Variants in GPM6A observed in about 807,000 individuals in gnomAD.
GPM6A encodes the protein glycoprotein M6A, also known as neuronal membrane glycoprotein M6-a.
GPM6A carries 7 observed loss-of-function variants against 32.1 expected under a neutral mutation model. The ratio of observed to expected loss-of-function variants is 0.22; its 90% CI spans 0.12 to 0.41. The LOEUF (loss-of-function observed/expected upper bound fraction) is 0.41. Ranked by LOEUF, GPM6A falls within the 10% of genes least tolerant of loss-of-function variation. The pLI is 1.00. For synonymous variants in GPM6A, 130 were observed against 123.4 expected (o/e 1.05, Z -0.35); for missense variants, 235 against 347.2 (o/e 0.68, Z 2.57).
chr4:175,988,438 A>G lies in GPM6A; in HGVS notation c.-23+13871T>C, dbSNP rs371562514. ...TGAAATTGTTGTCCTATGAAAGAACATATTCATTTTCACTAGGAGATGAAA... is the reference window on the plus strand; with the variant it reads ...TGAAATTGTTGTCCTATGAAAGAACGTATTCATTTTCACTAGGAGATGAAA... On this transcript the variant is annotated intron_variant, in intron 1 of 7. Transcript: ENST00000280187. Among the ~76,000 whole-genome samples, 7 of 152,330 alleles carry G rather than the reference A, an allele frequency of 4.6e-5. No individual in the cohort carries two copies. In the East Asian group the frequency reaches 7.7e-4, roughly 17 times the overall value.
intron 6 of GPM6A, among the ~76,000 whole-genome samples, chr4:175,639,577 G>C (rs1405057253): frequency 6.6e-6 from 1 of 152,164 alleles, no homozygotes; most frequent in Non-Finnish European, 1.5e-5. Context: ...AAGTTAGAAA[G>C]GAGGAGACTG....
chr4:175,872,321 C>G (rs987190636), intron 1 of GPM6A, among the ~76,000 whole-genome samples: 5 of 152,192 alleles, frequency 3.3e-5, no homozygotes, highest in African/African-American at 1.2e-4. Flanking sequence ...CTACTCCAGA[C>G]TTACACCCTT....
At chr4:175,994,563 C>T (rs1482927217) in intron 1 of GPM6A, among the ~76,000 whole-genome samples, 3 of 152,136 alleles carry the variant, frequency 2.0e-5, no homozygotes, top group Non-Finnish European at 4.4e-5. Flanking sequence ...TTTTAAAATA[C>T]TTTATTGCTA....
intron 1 of GPM6A, among the ~76,000 whole-genome samples, chr4:175,853,193 T>G (rs1736313027): frequency 6.6e-6 from 1 of 152,226 alleles, no homozygotes; most frequent in Non-Finnish European, 1.5e-5. Flanking sequence ...TTAAAATACT[T>G]TATGAATAAT....
At chr4:175,774,096 G>T (rs1213743119) in intron 1 of GPM6A, among the ~76,000 whole-genome samples, 1 of 151,938 alleles carries the variant, frequency 6.6e-6, no homozygotes, top group Non-Finnish European at 1.5e-5. Context: ...GTCCATTAAG[G>T]TCAATCAAGT....
At chr4:175,675,492 G>T (rs1743312654) in intron 2 of GPM6A, among the ~76,000 whole-genome samples, 1 of 152,048 alleles carries the variant, frequency 6.6e-6, no homozygotes, top group African/African-American at 2.4e-5. Context: ...ATAAGTACTT[G>T]TTGATGTTAA....
intron 1 of GPM6A, among the ~76,000 whole-genome samples, chr4:175,913,796 C>T (rs1164523696): frequency 1.3e-5 from 2 of 152,132 alleles, no homozygotes; most frequent in Non-Finnish European, 2.9e-5. Flanking sequence ...TAAACCCACC[C>T]GGATAGCATG....
chr4:175,644,121 G>GTTTTTTTTTTTTTTT (rs781755092), intron 4 of GPM6A, among the ~76,000 whole-genome samples: 3 of 110,378 alleles, frequency 2.7e-5, no homozygotes, highest in Non-Finnish European at 5.4e-5. Flanking sequence ...TTTTCCGTTT[G>GTTTTTTTTTTTTTTT]TTTTTTTTTT....
At chr4:175,874,598 G>A (rs1016326309) in intron 1 of GPM6A, among the ~76,000 whole-genome samples, 3 of 152,092 alleles carry the variant, frequency 2.0e-5, no homozygotes, top group African/African-American at 7.2e-5. Context: ...ACCTTAAGGC[G>A]AGAAAAAGGT....
rs1740475744 is a variant in GPM6A, at chr4:175,634,675, A to C, written c.*230T>G. ...CTAGTAAATGAGTTTGAGAAATTTC[A>C]AAAAAAAGGCTGGATAGGAGCTTGT... is the stretch of plus-strand genomic sequence containing the variant. On this transcript the variant is annotated 3_prime_UTR_variant, in exon 7 of 7. Transcript: ENST00000393658. The C allele has an allele frequency of 5.0e-6, 2 of 398,378 alleles. No individual in the cohort carries two copies. Among genetic ancestry groups the C allele is most frequent in the Middle Eastern group, 6.6e-4 (1 of 1,508 alleles). 24.7% of individuals were successfully genotyped at this position (398,378 alleles called of 1,614,324 possible). A position where few individuals can be genotyped will look rare whatever the true frequency, so the allele number is the denominator to read the frequency against.
intron 1 of GPM6A, among the ~76,000 whole-genome samples, chr4:175,994,319 T>C (rs1264084496): frequency 6.6e-6 from 1 of 152,108 alleles, no homozygotes; most frequent in African/African-American, 2.4e-5. Flanking sequence ...TTCCAAGAGG[T>C]AGCTCTTGGT....
At chr4:175,830,301 A>G (rs942201418) in intron 1 of GPM6A, among the ~76,000 whole-genome samples, 2 of 152,174 alleles carry the variant, frequency 1.3e-5, no homozygotes, top group Non-Finnish European at 2.9e-5. Context: ...GTCTGATTGC[A>G]TTAAACTTGG....
At chr4:175,938,655 A>G (rs1739314040) in intron 1 of GPM6A, among the ~76,000 whole-genome samples, 1 of 151,972 alleles carries the variant, frequency 6.6e-6, no homozygotes, top group African/African-American at 2.4e-5. Flanking sequence ...ATGTAAGGAT[A>G]CATAATAACA....
chr4:175,861,749 G>GAAAAAAAAAAAAA (rs10716525), intron 1 of GPM6A, among the ~76,000 whole-genome samples: 2 of 87,240 alleles, frequency 2.3e-5, no homozygotes, highest in African/African-American at 4.5e-5. Context: ...AAGAGACTCT[G>GAAAAAAAAAAAAA]AAAAAAAAAA....
chr4:175,646,152 A>G (rs930620026), intron 4 of GPM6A, among the ~76,000 whole-genome samples: 3 of 152,182 alleles, frequency 2.0e-5, no homozygotes, highest in Non-Finnish European at 2.9e-5. Context: ...CCTTAATTCC[A>G]TCTGTGACTT....
At chr4:175,995,339 T>C (rs911084716) in intron 1 of GPM6A, among the ~76,000 whole-genome samples, 1 of 147,704 alleles carries the variant, frequency 6.8e-6, no homozygotes, top group African/African-American at 2.5e-5. Context: ...ATAATAAGAC[T>C]TGGAAGTGGA....
intron 1 of GPM6A, among the ~76,000 whole-genome samples, chr4:175,861,344 A>T (rs1410661339): frequency 6.6e-6 from 1 of 151,562 alleles, no homozygotes; most frequent in Non-Finnish European, 1.5e-5. Flanking sequence ...AAATAACTTT[A>T]TATATAAATT....
chr4:175,846,977 T>C (rs1436437255), intron 1 of GPM6A, among the ~76,000 whole-genome samples: 1 of 152,132 alleles, frequency 6.6e-6, no homozygotes, highest in African/African-American at 2.4e-5. Flanking sequence ...ATTTTTGTTG[T>C]CAACATGTGC....
At chr4:175,722,075 C>A (rs1005623557) in intron 1 of GPM6A, among the ~76,000 whole-genome samples, 3 of 151,996 alleles carry the variant, frequency 2.0e-5, no homozygotes, top group African/African-American at 7.3e-5. Flanking sequence ...TTGCTTGAGT[C>A]CAGGAGTTTG....
Sources: allele counts gnomAD v4.1 joint callset (sites outside exome capture counted in the v4.1 genomes callset), GRCh38; gene constraint gnomAD v4.1.1; transcripts MANE v1.5; gene names NCBI Gene and HGNC (gene_info 2026-07-23, HGNC 2026-07-21).